SLC24A2: variants seen among roughly 807,000 people sequenced by gnomAD.
The protein encoded by SLC24A2 is solute carrier family 24 member 2, also known as sodium/potassium/calcium exchanger 2.
SLC24A2 carries 36 observed loss-of-function variants against 62.0 expected under a neutral mutation model. The ratio of observed to expected loss-of-function variants is 0.58; its 90% CI spans 0.44 to 0.77. SLC24A2 has a LOEUF of 0.77. Among genes scored for constraint, SLC24A2 ranks in the 30% least tolerant of loss-of-function variants. The pLI, the probability that SLC24A2 is intolerant of heterozygous loss-of-function variation, is 0.00. For synonymous variants in SLC24A2, 358 were observed against 294.0 expected (o/e 1.22, Z -2.23); for missense variants, 846 against 817.9 (o/e 1.03, Z -0.42).
At chr9:19,540,674 A>T (rs77823409) in intron 8 of SLC24A2, among the ~76,000 whole-genome samples, 1 of 142,562 alleles carries the variant, frequency 7.0e-6, no homozygotes. Flanking sequence ...GAATCTGACA[A>T]TTATGTGTCT....
In SLC24A2 at chr9:19,786,317, C is replaced by A; in HGVS notation, c.550G>T (p.Gly184Trp). 6.2e-7 allele frequency: 1 copy of A among 1,614,160 alleles called. No homozygotes were observed. The highest frequency in any genetic ancestry group is 8.5e-7 in the Non-Finnish European group (1 of 1,180,040). Residue 184 changes from glycine (G) to tryptophan (W), a missense_variant, in exon 2 of 11, where the codon GGG becomes TGG. Coordinates refer to ENST00000341998, the MANE Select transcript of SLC24A2 (RefSeq NM_020344.4). The surrounding 1 kb of genome is among the most constrained non-coding windows in gnomAD (Gnocchi z 5.0). Reference protein sequence around the residue: ...VAGATFMAAGGSAPELFTSLI... With the variant: ...VAGATFMAAGWSAPELFTSLI... The stretch of plus-strand genomic sequence containing the variant: ...GATGTGAAAAGTTCTGGGGCTGACC[C>A]TCCTGCAGCCATGAAGGTGGCTCCA...
chr9:20,100,115 T>C, the SLC24A2 span, among the ~76,000 whole-genome samples: 4 of 152,162 alleles, frequency 2.6e-5, no homozygotes, highest in Non-Finnish European at 5.9e-5. Flanking sequence ...GCTCAGGTGA[T>C]CCTCCCACGT....
Position 19,592,495 on chromosome 9 carries a change from CACCTACCTACCT to C in SLC24A2, c.1129+4722_1129+4733del, listed in dbSNP as rs34178915. Among the ~76,000 whole-genome samples the C allele has an allele frequency of 2.5e-3, 176 of 70,544 alleles. 1 individual carries two copies. Among genetic ancestry groups the C allele is most frequent in the East Asian group, 5.3e-3 (25 of 4,710 alleles). The allele number at this position is 70,544 out of a possible 152,430, so 46.3% of individuals were successfully genotyped here. ...CTACCGACCTACCTACCTACCTACC[CACCTACCTACCT>C]ACCTACCTACCTACCTACCTACCTA... is the stretch of plus-strand genomic sequence containing the variant. On this transcript the variant is annotated intron_variant, in intron 5 of 10. Transcript: ENST00000341998.
chr9:19,619,101 A>G (rs767827952), intron 4 of SLC24A2, among the ~76,000 whole-genome samples: 56 of 152,062 alleles, frequency 3.7e-4, no homozygotes, highest in Non-Finnish European at 7.4e-5. Context: ...CCACCCTCCA[A>G]TTGCCAAAGG....
At chr9:20,190,621 C>T in the SLC24A2 span, among the ~76,000 whole-genome samples, 4 of 152,166 alleles carry the variant, frequency 2.6e-5, no homozygotes, top group East Asian at 7.7e-4. Flanking sequence ...CTCCCAGCAT[C>T]ATACAACTAG....
chr9:20,040,132 T>C, the SLC24A2 span, among the ~76,000 whole-genome samples: 1 of 152,246 alleles, frequency 6.6e-6, no homozygotes, highest in Non-Finnish European at 1.5e-5. Flanking sequence ...AAATGGAAGC[T>C]ATCATCATTC....
rs535456412 is a variant in SLC24A2, at chr9:19,529,281, G to C, written c.1480-1143C>G. On this transcript the variant is annotated intron_variant, in intron 8 of 10. Transcript: ENST00000341998. ...AAGGCTGACCTTGGGCAGTCACACA[G>C]AACACGTTCTGTCATGGCTTTTGAG... Among the ~76,000 whole-genome samples the C allele has an allele frequency of 2.6e-5, 4 of 152,252 alleles. No individual in the cohort carries two copies. In the East Asian group the frequency reaches 7.7e-4, roughly 29 times the overall value.
chr9:20,003,265 A>C, the SLC24A2 span, among the ~76,000 whole-genome samples: 1 of 152,236 alleles, frequency 6.6e-6, no homozygotes, highest in Non-Finnish European at 1.5e-5. Context: ...TGATGCTTGT[A>C]AGACTCTAAT....
chr9:19,989,868 C>T, the SLC24A2 span, among the ~76,000 whole-genome samples: 2 of 152,266 alleles, frequency 1.3e-5, no homozygotes, highest in East Asian at 3.9e-4. Flanking sequence ...GACATTTCCA[C>T]TATAGAAGCA....
At chr9:20,180,640 G>A in the SLC24A2 span, among the ~76,000 whole-genome samples, 17 of 152,090 alleles carry the variant, frequency 1.1e-4, no homozygotes, top group Admixed American at 6.5e-4. Flanking sequence ...CAAGTTTCCC[G>A]ATACATTAAT....
chr9:19,918,272 A>G, the SLC24A2 span, among the ~76,000 whole-genome samples: 1 of 150,616 alleles, frequency 6.6e-6, no homozygotes, highest in African/African-American at 2.4e-5. Context: ...TTGGTGCTGA[A>G]TTTTATTTGC....
chr9:19,984,250 T>C, the SLC24A2 span, among the ~76,000 whole-genome samples: 1 of 152,080 alleles, frequency 6.6e-6, no homozygotes, highest in Admixed American at 6.6e-5. Flanking sequence ...CATTCTCAAA[T>C]TCACGTAGAA....
chr9:19,548,914 T>G (rs1242147905), intron 8 of SLC24A2, among the ~76,000 whole-genome samples: 2 of 152,218 alleles, frequency 1.3e-5, no homozygotes, highest in African/African-American at 4.8e-5. Context: ...CTGATGCATA[T>G]TAGGTATACA....
chr9:19,957,123 C>A, the SLC24A2 span, among the ~76,000 whole-genome samples: 3 of 152,232 alleles, frequency 2.0e-5, no homozygotes, highest in South Asian at 2.1e-4. Context: ...GTAAATGATA[C>A]GAAATATAAT....
In SLC24A2 at chr9:19,636,308, T is replaced by TCTTTCCTTTCCTTTC. The variant is rs1564009586; in HGVS notation, c.931-14010_931-14009insGAAAGGAAAGGAAAG. 7.5e-5 allele frequency among the ~76,000 whole-genome samples: 3 copies of TCTTTCCTTTCCTTTC among 39,842 alleles called. 1 individual carries two copies. Among genetic ancestry groups the TCTTTCCTTTCCTTTC allele is most frequent in the Admixed American group, 3.6e-4 (1 of 2,816 alleles). The allele number at this position is 39,842 out of a possible 152,430, so 26.1% of individuals were successfully genotyped here. On this transcript the variant is annotated intron_variant, in intron 2 of 10. Transcript: ENST00000341998. ...TCTCTTCTTTTCTTTTCTTTTCTTTTCTTTTCTTTTCTTTCTTTCTTTCTT... is the reference window on the plus strand; with the variant it reads ...TCTCTTCTTTTCTTTTCTTTTCTTTTCTTTCCTTTCCTTTCCTTTTCTTTTCTTTCTTTCTTTCTT...
chr9:20,232,573 G>A, the SLC24A2 span, among the ~76,000 whole-genome samples: 1 of 152,148 alleles, frequency 6.6e-6, no homozygotes, highest in African/African-American at 2.4e-5. Context: ...TGTGGGATCG[G>A]TAGTGATATC....
chr9:19,713,634 G>A (rs906065238), intron 2 of SLC24A2, among the ~76,000 whole-genome samples: 40 of 152,100 alleles, frequency 2.6e-4, no homozygotes, highest in African/African-American at 9.7e-4. Flanking sequence ...TGAAAGGCCT[G>A]CATTTTCCTT....
chr9:20,258,973 C>T, the SLC24A2 span, among the ~76,000 whole-genome samples: 763 of 152,060 alleles, frequency 5.0e-3, 6 homozygotes, highest in African/African-American at 0.018. Context: ...GGAGAGTATG[C>T]TGGATTATCT....
intron 2 of SLC24A2, among the ~76,000 whole-genome samples, chr9:19,672,564 T>C (rs1819450902): frequency 6.8e-6 from 1 of 146,698 alleles, no homozygotes; most frequent in South Asian, 2.1e-4. Context: ...TGTTATTTCT[T>C]TTCTTGTGCG....
Sources: gnomAD v4.1 joint callset for allele counts (sites outside exome capture counted in the v4.1 genomes callset) on GRCh38, gnomAD v4.1.1 for gene constraint, Gnocchi (gnomAD v3.1) non-coding constraint, MANE v1.5 for transcripts, NCBI Gene and HGNC (gene_info 2026-07-23, HGNC 2026-07-21) for gene names.